The following ESRRB variants were observed in gnomAD, a reference collection of about 807,000 sequenced individuals.
ESRRB encodes the protein estrogen related receptor beta.
Under a neutral mutation model 46.0 loss-of-function variants are expected in ESRRB, and 16 were observed. The ratio of observed to expected loss-of-function variants is 0.35; its 90% confidence interval spans 0.24 to 0.53. The LOEUF (loss-of-function observed/expected upper bound fraction) is 0.53. ESRRB is among the 20% of genes least tolerant of loss of function. The probability of loss-of-function intolerance (pLI) is 0.93; values close to 1 mark genes in which losing one functional copy is unlikely to be tolerated. For synonymous variants in ESRRB, 246 were observed against 259.6 expected (o/e 0.95, Z 0.50); for missense variants, 488 against 607.4 (o/e 0.80, Z 2.07).
chr14:76,329,599 A>G (rs1219659401), intron 1 of ESRRB, among the ~76,000 whole-genome samples: 1 of 152,026 alleles, frequency 6.6e-6, no homozygotes, highest in African/African-American at 2.4e-5. Context: ...AGGGAGCTGT[A>G]TTAAATCACC....
At chr14:76,444,559 T>C (rs1888054183) in intron 2 of ESRRB, among the ~76,000 whole-genome samples, 1 of 151,904 alleles carries the variant, frequency 6.6e-6, no homozygotes, top group Admixed American at 6.6e-5. Context: ...TTTTTTTGTT[T>C]TGTTTTTGTA....
At chr14:76,410,027 C>T (rs1886366486) in intron 1 of ESRRB, among the ~76,000 whole-genome samples, 1 of 152,094 alleles carries the variant, frequency 6.6e-6, no homozygotes, top group South Asian at 2.1e-4. Flanking sequence ...AGTTTGAGAC[C>T]ACCCTGGCCA....
chr14:76,399,709 C>G (rs35488828), intron 1 of ESRRB, among the ~76,000 whole-genome samples: 35,980 of 152,120 alleles, frequency 0.24, 4,728 homozygotes, highest in Admixed American at 0.3. Flanking sequence ...CCAAGAGGAA[C>G]TCCAAAAATG....
chr14:76,464,440 A>C lies in ESRRB; in HGVS notation c.577+1779A>C, dbSNP rs11628475. On this transcript the variant is annotated intron_variant, in intron 3 of 6. Coordinates refer to ENST00000644823, the MANE Select transcript of ESRRB (RefSeq NM_001379180.1). ...TCCGTTTACCATTTCCAGGTCCCCCACTTCACCTCAGCTCAGCCCAGCACC... is the reference window on the plus strand; with the variant it reads ...TCCGTTTACCATTTCCAGGTCCCCCCCTTCACCTCAGCTCAGCCCAGCACC... Among the ~76,000 whole-genome samples, 1,345 of 152,248 alleles carry C rather than the reference A, an allele frequency of 8.8e-3. 9 individuals carry two copies. Among genetic ancestry groups the C allele is most frequent in the Non-Finnish European group, 0.015 (995 of 68,014 alleles).
At chr14:76,458,566 C>T (rs1204937829) in intron 2 of ESRRB, among the ~76,000 whole-genome samples, 1 of 152,122 alleles carries the variant, frequency 6.6e-6, no homozygotes, top group Non-Finnish European at 1.5e-5. Context: ...TGGGAGAGCA[C>T]CAGTTCCAGC....
chr14:76,375,100 T>C (rs559073375), upstream of ESRRB, among the ~76,000 whole-genome samples: 1 of 152,234 alleles, frequency 6.6e-6, no homozygotes, highest in African/African-American at 2.4e-5. Context: ...TATAGGAGAA[T>C]AAGGTGGTGG....
At chr14:76,348,999 A>T (rs970096008) in intron 1 of ESRRB, among the ~76,000 whole-genome samples, 3 of 152,218 alleles carry the variant, frequency 2.0e-5, no homozygotes, top group African/African-American at 7.2e-5. Context: ...ATCTCCAAGC[A>T]GGCCCCCCTT....
chr14:76,449,097 T>C (rs1360066445), intron 2 of ESRRB, among the ~76,000 whole-genome samples: 1 of 152,192 alleles, frequency 6.6e-6, no homozygotes, highest in African/African-American at 2.4e-5. Flanking sequence ...AGTTTTTTTA[T>C]TTTAAGCCAT....
chr14:76,353,450 T>C (rs894878498), intron 1 of ESRRB, among the ~76,000 whole-genome samples: 5 of 152,228 alleles, frequency 3.3e-5, no homozygotes, highest in African/African-American at 1.2e-4. Context: ...GTTCCCGCCC[T>C]GCCTGCCTCT....
At chr14:76,486,173 T>G (rs1277039138) in intron 5 of ESRRB, among the ~76,000 whole-genome samples, 1 of 152,218 alleles carries the variant, frequency 6.6e-6, no homozygotes, top group African/African-American at 2.4e-5. Flanking sequence ...CTAGCTGACT[T>G]TAATAGGCAG....
chr14:76,475,355 G>C (rs2921456), intron 3 of ESRRB, among the ~76,000 whole-genome samples: 72,478 of 147,806 alleles, frequency 0.49, 17,715 homozygotes, highest in Middle Eastern at 0.69. Flanking sequence ...GGCAACAGAG[G>C]AAGACCTTGC....
At chr14:76,467,097 T>A (rs1867653) in intron 3 of ESRRB, among the ~76,000 whole-genome samples, 96 of 152,200 alleles carry the variant, frequency 6.3e-4, no homozygotes, top group African/African-American at 2.2e-3. Context: ...CCTGCTTTCC[T>A]TCACCAGGTC....
intron 5 of ESRRB, among the ~76,000 whole-genome samples, chr14:76,484,507 C>T (rs1011354600): frequency 1.3e-5 from 2 of 152,220 alleles, no homozygotes; most frequent in Admixed American, 6.5e-5. Flanking sequence ...CCCCTGCCCC[C>T]GCCCCACACT....
Position 76,498,916 on chromosome 14 carries a change from C to T in ESRRB, c.*458C>T, listed in dbSNP as rs767464482. ...GTTTTCCTTCCGCAGAGGGCAGGTA[C>T]GCAAGGGACAACAGTATCTTTCTTC... On this transcript the variant is annotated 3_prime_UTR_variant, in exon 7 of 7. Transcript: ENST00000644823. 1.5e-5 allele frequency: 8 copies of T among 520,872 alleles called. No homozygotes were observed. The highest frequency in any genetic ancestry group is 7.2e-5 in the South Asian group (5 of 69,186). 32.3% of individuals were successfully genotyped at this position (520,872 alleles called of 1,614,324 possible). A position where few individuals can be genotyped will look rare whatever the true frequency, so the allele number is the denominator to read the frequency against.
intron 3 of ESRRB, among the ~76,000 whole-genome samples, chr14:76,469,634 CA>C (rs1405227857): frequency 4.5e-4 from 69 of 152,294 alleles, no homozygotes; most frequent in African/African-American, 1.6e-3. Flanking sequence ...CTTAGCCCCT[CA>C]AAATGCTGGG....
In ESRRB at chr14:76,466,716, AT is replaced by A. The variant is rs113456652; in HGVS notation, c.577+4067del. On this transcript the variant is annotated intron_variant, in intron 3 of 6. Coordinates refer to ENST00000644823, the MANE Select transcript of ESRRB (RefSeq NM_001379180.1). ...GTTATTAGGTATTTTTGCCCGTGTA[AT>A]TTTTTTTTTTTCTTTTGAGAAAGAC... 4.7e-3 allele frequency among the ~76,000 whole-genome samples: 684 copies of A among 145,580 alleles called. 3 individuals carry two copies. The highest frequency in any genetic ancestry group is 7.4e-3 in the African/African-American group (294 of 39,878).
At chr14:76,353,883 G>A (rs1015070817) in intron 1 of ESRRB, among the ~76,000 whole-genome samples, 2 of 152,106 alleles carry the variant, frequency 1.3e-5, no homozygotes, top group African/African-American at 4.8e-5. Context: ...AGGATCACGA[G>A]CCCAGGAAGC....
chr14:76,316,658 AGG>A (rs1216724722), intron 1 of ESRRB, among the ~76,000 whole-genome samples: 1 of 152,078 alleles, frequency 6.6e-6, no homozygotes, highest in Non-Finnish European at 1.5e-5. Flanking sequence ...TTTCACTACT[AGG>A]TCAGCTCGTG....
intron 1 of ESRRB, among the ~76,000 whole-genome samples, chr14:76,432,438 A>C (rs1166587535): frequency 6.6e-6 from 1 of 152,178 alleles, no homozygotes; most frequent in African/African-American, 2.4e-5. Flanking sequence ...TTTGTCCCAC[A>C]GTTACTATTG....
Sources: allele counts gnomAD v4.1 joint callset (sites outside exome capture counted in the v4.1 genomes callset), GRCh38; gene constraint gnomAD v4.1.1; transcripts MANE v1.5; gene names NCBI Gene and HGNC (gene_info 2026-07-23, HGNC 2026-07-21).